CD276: variants seen among roughly 807,000 people sequenced by gnomAD.
CD276 encodes the protein CD276 molecule.
Under a neutral mutation model 50.0 loss-of-function variants are expected in CD276, and 34 were observed. The ratio of observed to expected loss-of-function variants is 0.68; its 90% CI spans 0.52 to 0.91. CD276 has a LOEUF of 0.91. CD276 is among the 40% of genes least tolerant of loss of function. The probability of loss-of-function intolerance (pLI) is 0.00; values close to 1 mark genes in which losing one functional copy is unlikely to be tolerated. For synonymous variants in CD276, 275 were observed against 313.0 expected, an observed-to-expected ratio of 0.88 and a Z score of 1.28; for missense variants, 634 against 717.5, an observed-to-expected ratio of 0.88 and a Z score of 1.33.
At chr15:73,712,850 GCTTCTGGCATAATCCCAAAAATAGAT>G in intron 9 of CD276, 58 bp from the exon 10 acceptor site, 3 of 1,422,792 alleles carry the variant, frequency 2.1e-6, no homozygotes, top group South Asian at 1.2e-5. Flanking sequence ...AGGTGCTTGG[GCTTCTGGCATAATCCCAAAAATAGAT>G]CTTCTGGCAT....
chr15:73,700,930 G>T (rs1299358419), intron 2 of CD276, among the ~76,000 whole-genome samples: 1 of 1,672 alleles, frequency 6.0e-4, no homozygotes, highest in Non-Finnish European at 1.1e-3. Context: ...TTGAGATGGG[G>T]TCTTGCTCTG....
In CD276 at chr15:73,704,554, T is replaced by C; in HGVS notation, c.1369+82T>C. ...ACCCTAACGTGGAATTTCCATAGGTTTGGGTGGCCAGAAGACTTTCAAAAT... is the reference window on the plus strand; with the variant it reads ...ACCCTAACGTGGAATTTCCATAGGTCTGGGTGGCCAGAAGACTTTCAAAAT... On this transcript the variant is annotated intron_variant, in intron 6 of 9. Coordinates refer to ENST00000318443, the MANE Select transcript of CD276 (RefSeq NM_001024736.2). This position sits in a 1 kb window ranked among gnomAD's most constrained non-coding sequence, Gnocchi z 4.1. 6.7e-7 allele frequency: 1 copy of C among 1,500,628 alleles called. No homozygotes were observed. The highest frequency in any genetic ancestry group is 8.9e-7 in the Non-Finnish European group (1 of 1,119,646). The allele number at this position is 1,500,628 out of a possible 1,614,324, so 93.0% of individuals were successfully genotyped here.
intron 1 of CD276, among the ~76,000 whole-genome samples, chr15:73,685,751 C>G (rs925067503): frequency 6.6e-6 from 1 of 152,106 alleles, no homozygotes; most frequent in South Asian, 2.1e-4. Flanking sequence ...TGCTGTGCAG[C>G]CTTCCTTGTA....
chr15:73,703,018 T>C lies in CD276; in HGVS notation c.665T>C (p.Val222Ala). ...GCAAATGGCACCTACAGCTGCCTGG[T>C]GCGCAACCCCGTGCTGCAGCAGGAT... ...LGANGTYSCL[V>A]RNPVLQQDAH... is the part of the protein sequence containing the mutation. The change falls in exon 4 of 10, where the codon GTG (valine) becomes GCG (alanine). Residue 222 changes from valine to alanine, a missense_variant. Physicochemically the swap from Val to Ala is moderately conservative, Grantham distance 64 (BLOSUM62 0). Coordinates refer to ENST00000318443, the MANE Select transcript of CD276 (RefSeq NM_001024736.2). The C allele has an allele frequency of 6.2e-7, 1 of 1,614,000 alleles. No homozygotes were observed.
upstream of CD276, chr15:73,684,202 G>C (rs1899641482): frequency 1.3e-5 from 2 of 151,568 alleles, no homozygotes; most frequent in African/African-American, 4.9e-5. Context: ...GGGGCGGGGC[G>C]GGGGCGGGGG....
At position 73,712,819 on chromosome 15, in the gene CD276, C is replaced by G. The variant is rs1900961429; in HGVS notation, c.1583-115C>G. The G allele has an allele frequency of 3.8e-6, 4 of 1,064,900 alleles. No homozygotes were observed. The Admixed American group carries it at 8.0e-5, about 21-fold the overall frequency. 66.0% of individuals were successfully genotyped at this position (1,064,900 alleles called of 1,614,324 possible). ...CCGTTGGGCTGCTGTCTCACACACA[C>G]TCCCCACTTGAAGTCTGACCAGGTG... On this transcript the variant is annotated intron_variant, in intron 9 of 9. Coordinates refer to ENST00000318443, the MANE Select transcript of CD276 (RefSeq NM_001024736.2).
At chr15:73,712,471 C>T (rs1475902617) in intron 9 of CD276, among the ~76,000 whole-genome samples, 2 of 152,140 alleles carry the variant, frequency 1.3e-5, no homozygotes, top group Non-Finnish European at 2.9e-5. Context: ...TGGCCCTCCA[C>T]ATGGAGACAG....
chr15:73,703,315 G>C (rs753194429), intron 4 of CD276, among the ~76,000 whole-genome samples: 1 of 152,142 alleles, frequency 6.6e-6, no homozygotes, highest in Non-Finnish European at 1.5e-5. Context: ...GAAGCCTCTG[G>C]GAAGAATGGA....
At chr15:73,691,636 C>T (rs913959746) in intron 1 of CD276, among the ~76,000 whole-genome samples, 1 of 152,208 alleles carries the variant, frequency 6.6e-6, no homozygotes, top group Non-Finnish European at 1.5e-5. Context: ...ATGGACTGGG[C>T]TCCCTGCAGG....
At chr15:73,710,946 A>G (rs28552564) in intron 8 of CD276, among the ~76,000 whole-genome samples, 189 bp from the exon 9 acceptor site, 3,454 of 152,272 alleles carry the variant, frequency 0.023, 137 homozygotes, top group African/African-American at 0.076. Context: ...CAAGCCACAG[A>G]GTGGAACTGG....
At chr15:73,688,586 GAGAT>G (rs751486826) in intron 1 of CD276, among the ~76,000 whole-genome samples, 15 of 152,346 alleles carry the variant, frequency 9.8e-5, no homozygotes, top group South Asian at 2.1e-4. Flanking sequence ...GTGAGGAAGA[GAGAT>G]AGGAGCATCA....
At chr15:73,708,296 G>C in intron 6 of CD276, 43 bp from the exon 7 acceptor site, 5 of 1,605,330 alleles carry the variant, frequency 3.1e-6, no homozygotes, top group Non-Finnish European at 4.3e-6. Context: ...CCGGGACATG[G>C]GGCCAGGCAT....
Position 73,708,444 on chromosome 15 carries a change from T to A in CD276, c.1475T>A (p.Ile492Asn), listed in dbSNP as rs1471946271. 1 of 1,613,898 alleles carries A rather than the reference T, an allele frequency of 6.2e-7. No individual in the cohort carries two copies. Among genetic ancestry groups the A allele is most frequent in the East Asian group, 2.2e-5 (1 of 44,880 alleles). Residue 492 changes from isoleucine to asparagine, a missense_variant, in exon 7 of 10, where the codon ATC becomes AAC. Transcript: ENST00000318443. The stretch of plus-strand genomic sequence containing the variant: ...CTGGCTTTCGTGTGCTGGAGAAAGA[T>A]CAAACAGAGCTGTGAGGAGGAGAAT... ...VALAFVCWRK[I>N]KQSCEEENAG...
chr15:73,687,240 T>A lies in CD276; in HGVS notation c.-55+2780T>A, dbSNP rs1482770648. ...GGTTTGGGAGTGGGTAGGGTTGTGCTGGAGGCTAAATAGACATTATCTCAT... is the reference window on the plus strand; with the variant it reads ...GGTTTGGGAGTGGGTAGGGTTGTGCAGGAGGCTAAATAGACATTATCTCAT... On this transcript the variant is annotated intron_variant, in intron 1 of 9. Coordinates refer to ENST00000318443, the MANE Select transcript of CD276 (RefSeq NM_001024736.2). The surrounding 1 kb of genome is among the most constrained non-coding windows in gnomAD (Gnocchi z 4.0). Among the ~76,000 whole-genome samples the A allele has an allele frequency of 6.6e-6, 1 of 152,156 alleles. No homozygotes were observed. Among genetic ancestry groups the A allele is most frequent in the African/African-American group, 2.4e-5 (1 of 41,430 alleles).
At position 73,714,205 on chromosome 15, in the gene CD276, T is replaced by A. The variant is rs1901035095; in HGVS notation, c.*1249T>A. On this transcript the variant is annotated 3_prime_UTR_variant, in exon 10 of 10. Coordinates refer to ENST00000318443, the MANE Select transcript of CD276 (RefSeq NM_001024736.2). Reference sequence around the variant, plus strand: ...GGCAGGCACCAAGGCCCTCTGGACCTTTCATAGCAGCAGAAAAGGCAGAGC... The same window carrying A: ...GGCAGGCACCAAGGCCCTCTGGACCATTCATAGCAGCAGAAAAGGCAGAGC... The A allele has an allele frequency of 4.7e-6, 1 of 214,320 alleles. No homozygotes were observed. Among genetic ancestry groups the A allele is most frequent in the South Asian group, 6.7e-5 (1 of 14,844 alleles). The allele number at this position is 214,320 out of a possible 1,614,324, so 13.3% of individuals were successfully genotyped here.
At chr15:73,695,660 G>A (rs1201427570) in intron 1 of CD276, among the ~76,000 whole-genome samples, 3 of 152,108 alleles carry the variant, frequency 2.0e-5, no homozygotes, top group Non-Finnish European at 2.9e-5. Context: ...GGACTCCTTC[G>A]GTTGCAGACA....
intron 6 of CD276, 88 bp from the exon 7 acceptor site, chr15:73,708,250 GC>G (rs1900724754): frequency 7.0e-7 from 1 of 1,435,448 alleles, no homozygotes; most frequent in African/African-American, 1.4e-5. Context: ...GAGGGTGGGA[GC>G]CCCTGTTCAC....
In CD276 at chr15:73,713,191, C is replaced by G. The variant is rs960996414; in HGVS notation, c.*235C>G. 2 of 505,088 alleles carry G rather than the reference C, an allele frequency of 4.0e-6. No homozygotes were observed. The highest frequency in any genetic ancestry group is 2.0e-5 in the African/African-American group (1 of 51,278). 31.3% of individuals were successfully genotyped at this position (505,088 alleles called of 1,614,324 possible). ...ACACAATGAACAGACCACCCACAAC[C>G]TTAGTTCTCTAAGTCATCCTGCCTG... On this transcript the variant is annotated 3_prime_UTR_variant, in exon 10 of 10. Coordinates refer to ENST00000318443, the MANE Select transcript of CD276 (RefSeq NM_001024736.2).
intron 1 of CD276, among the ~76,000 whole-genome samples, chr15:73,695,727 G>A (rs932477003): frequency 1.8e-4 from 27 of 152,246 alleles, no homozygotes; most frequent in Admixed American, 1.5e-3. Context: ...TCAAATATCT[G>A]GGCGGTCTAG....
Sources: allele counts gnomAD v4.1 joint callset (sites outside exome capture counted in the v4.1 genomes callset), GRCh38; gene constraint gnomAD v4.1.1; non-coding constraint Gnocchi (gnomAD v3.1); transcripts MANE v1.5; gene names NCBI Gene and HGNC (gene_info 2026-07-23, HGNC 2026-07-21).